RAB28: variants seen among roughly 807,000 people sequenced by gnomAD.
RAB28 encodes RAB28, member RAS oncogene family.
RAB28 carries 24 observed loss-of-function variants against 31.7 expected under a neutral mutation model. The ratio of observed to expected loss-of-function variants is 0.76; its 90% CI spans 0.55 to 1.06. The LOEUF (loss-of-function observed/expected upper bound fraction) is 1.06, where lower values mean the gene tolerates loss of function less well. RAB28 is among the 50% of genes least tolerant of loss of function. The probability of loss-of-function intolerance (pLI) is 0.00; values close to 1 mark genes in which losing one functional copy is unlikely to be tolerated. For synonymous variants in RAB28, 100 were observed against 90.4 expected (o/e 1.11, Z -0.60); for missense variants, 254 against 258.5 (o/e 0.98, Z 0.12).
At chr4:13,444,097 G>T (rs930489898) in intron 4 of RAB28, among the ~76,000 whole-genome samples, 1 of 150,206 alleles carries the variant, frequency 6.7e-6, no homozygotes, top group African/African-American at 2.5e-5. Flanking sequence ...GCGCGATCTC[G>T]GCTCACTGCA....
intron 4 of RAB28, among the ~76,000 whole-genome samples, chr4:13,385,060 T>C (rs1172383559): frequency 6.6e-6 from 1 of 152,124 alleles, no homozygotes; most frequent in Non-Finnish European, 1.5e-5. Context: ...CATAATGCAA[T>C]TCCAACTATT....
At chr4:13,481,067 C>T (rs1017830733) in intron 1 of RAB28, among the ~76,000 whole-genome samples, 19 of 151,914 alleles carry the variant, frequency 1.3e-4, no homozygotes, top group African/African-American at 4.3e-4. Flanking sequence ...GTAACATTCA[C>T]GTAATGTCAT....
chr4:13,449,641 C>T (rs1022565182), intron 4 of RAB28, among the ~76,000 whole-genome samples: 11 of 152,002 alleles, frequency 7.2e-5, no homozygotes, highest in Admixed American at 1.3e-4. Flanking sequence ...AGTGTTGATG[C>T]ACTCTTCTCT....
At chr4:13,382,958 C>A (rs931501163) in intron 4 of RAB28, among the ~76,000 whole-genome samples, 1 of 152,052 alleles carries the variant, frequency 6.6e-6, no homozygotes, top group African/African-American at 2.4e-5. Flanking sequence ...CCTCGGCCTC[C>A]CAAAGTGCTA....
Position 13,465,754 on chromosome 4 carries a change from AAC to A in RAB28, c.262-4928_262-4927del, listed in dbSNP as rs33979911. Among the ~76,000 whole-genome samples, 1,106 of 141,362 alleles carry A rather than the reference AAC, an allele frequency of 7.8e-3. 5 individuals carry two copies. The highest frequency in any genetic ancestry group is 0.011 in the Admixed American group (158 of 13,940). The allele number at this position is 141,362 out of a possible 152,430, so 92.7% of individuals were successfully genotyped here. On this transcript the variant is annotated intron_variant, in intron 3 of 6. Transcript: ENST00000330852. The stretch of plus-strand genomic sequence containing the variant: ...AGCTCAAATAACCAAGGCAATCATG[AAC>A]ACACACACACACACACACACACACA...
chr4:13,478,350 A>G (rs928928470), intron 2 of RAB28, among the ~76,000 whole-genome samples: 30 of 151,656 alleles, frequency 2.0e-4, no homozygotes, highest in African/African-American at 6.0e-4. Context: ...TTCTCATGGG[A>G]TATCTCCTAA....
At chr4:13,448,976 G>C (rs1714835168) in intron 4 of RAB28, among the ~76,000 whole-genome samples, 4 of 151,894 alleles carry the variant, frequency 2.6e-5, no homozygotes, top group Admixed American at 2.6e-4. Flanking sequence ...AAGACACTTG[G>C]TTCTGATACT....
intron 3 of RAB28, 53 bp from the exon 4 acceptor site, chr4:13,460,881 C>T: frequency 2.6e-6 from 4 of 1,535,674 alleles, no homozygotes; most frequent in Non-Finnish European, 3.6e-6. Context: ...GTGAAAAAAT[C>T]TTAATGAATA....
intron 5 of RAB28, among the ~76,000 whole-genome samples, chr4:13,380,300 A>G (rs1240770511): frequency 6.6e-6 from 1 of 152,148 alleles, no homozygotes; most frequent in Non-Finnish European, 1.5e-5. Context: ...AGAGAAAAAC[A>G]TCAAAAATCT....
At chr4:13,450,699 CAGAA>C (rs1479717908) in intron 4 of RAB28, among the ~76,000 whole-genome samples, 1 of 151,712 alleles carries the variant, frequency 6.6e-6, no homozygotes, top group East Asian at 1.9e-4. Flanking sequence ...AATGGCTTGA[CAGAA>C]AGGAAGACTG....
chr4:13,380,716 T>C (rs1434720216), intron 5 of RAB28, among the ~76,000 whole-genome samples: 2 of 152,108 alleles, frequency 1.3e-5, no homozygotes, highest in Admixed American at 6.6e-5. Flanking sequence ...GATTTGGCAA[T>C]GTTTCAATCT....
intron 4 of RAB28, chr4:13,459,775 C>T: frequency 8.9e-7 from 1 of 1,121,180 alleles, no homozygotes; most frequent in Non-Finnish European, 1.1e-6. Flanking sequence ...TATAAAATTC[C>T]AATGTAGACA....
intron 4 of RAB28, among the ~76,000 whole-genome samples, chr4:13,407,118 T>C (rs1408163295): frequency 6.6e-6 from 1 of 152,250 alleles, no homozygotes; most frequent in Non-Finnish European, 1.5e-5. Context: ...TAGGTTTTCT[T>C]CTAGGGTATT....
chr4:13,423,119 A>G lies in RAB28; in HGVS notation c.391+37580T>C, dbSNP rs139806661. ...GGATGTTTAGATGGATACATATATG[A>G]AAAAGCAAACAAAGCAGCCTTTTAA... On this transcript the variant is annotated intron_variant, in intron 4 of 6. Coordinates refer to ENST00000330852, the MANE Select transcript of RAB28 (RefSeq NM_001017979.3). 6.6e-5 allele frequency among the ~76,000 whole-genome samples: 10 copies of G among 152,320 alleles called. No individual in the cohort carries two copies. In the East Asian group the frequency reaches 1.9e-3, roughly 29 times the overall value.
chr4:13,407,725 C>A (rs1007345301), intron 4 of RAB28, among the ~76,000 whole-genome samples: 1 of 152,114 alleles, frequency 6.6e-6, no homozygotes, highest in Non-Finnish European at 1.5e-5. Flanking sequence ...CCTTTACATT[C>A]TTTGTAAGTT....
At chr4:13,368,755 G>T in intron 6 of RAB28, 105 bp from the exon 7 acceptor site, 1 of 844,376 alleles carries the variant, frequency 1.2e-6, no homozygotes, top group Non-Finnish European at 1.7e-6. Context: ...TTCTGATGAT[G>T]GACACCATAA....
intron 4 of RAB28, among the ~76,000 whole-genome samples, chr4:13,397,732 T>G (rs890459749): frequency 8.5e-5 from 13 of 152,164 alleles, no homozygotes; most frequent in African/African-American, 3.1e-4. Flanking sequence ...GTCATGAAAC[T>G]TGCGGATTTT....
intron 3 of RAB28, among the ~76,000 whole-genome samples, chr4:13,461,468 C>T (rs1207539499): frequency 6.6e-6 from 1 of 152,156 alleles, no homozygotes; most frequent in South Asian, 2.1e-4. Context: ...TTAAACTTGC[C>T]TCGAAGGGCC....
Position 13,376,605 on chromosome 4 carries a change from C to G in RAB28, c.513G>C (p.Gln171His). 6.2e-7 allele frequency: 1 copy of G among 1,602,480 alleles called. No individual in the cohort carries two copies. Among genetic ancestry groups the G allele is most frequent in the Non-Finnish European group, 8.5e-7 (1 of 1,175,324 alleles). ...KTGDSVFLCF[Q>H]KVAAEILGIK... is the part of the protein sequence containing the mutation. ...TCCCAAGGATTTCAGCAGCAACTTT[C>G]TGAAAGCACAGGAAGACCTACATAA... Residue 171 changes from glutamine (Q) to histidine (H), a missense_variant, in exon 6 of 7, where the codon CAG becomes CAC. Coordinates refer to ENST00000330852, the MANE Select transcript of RAB28 (RefSeq NM_001017979.3).
Sources: allele counts gnomAD v4.1 joint callset (sites outside exome capture counted in the v4.1 genomes callset), GRCh38; gene constraint gnomAD v4.1.1; transcripts MANE v1.5; gene names NCBI Gene and HGNC (gene_info 2026-07-23, HGNC 2026-07-21).